The following ANKMY2 variants were observed in gnomAD, a reference collection of about 807,000 sequenced individuals.
ANKMY2 encodes ankyrin repeat and MYND domain containing 2, also known as ankyrin repeat and MYND domain-containing protein 2.
Under a neutral mutation model 50.4 loss-of-function variants are expected in ANKMY2, and 36 were observed. The ratio of observed to expected loss-of-function variants is 0.71; its 90% CI spans 0.55 to 0.94. ANKMY2 has a LOEUF of 0.94. Among genes scored for constraint, ANKMY2 ranks in the 40% least tolerant of loss-of-function variants. The pLI, the probability that ANKMY2 is intolerant of heterozygous loss-of-function variation, is 0.00. For synonymous variants in ANKMY2, 187 were observed against 178.8 expected, an observed-to-expected ratio of 1.05 and a Z score of -0.36; for missense variants, 565 against 524.0, an observed-to-expected ratio of 1.08 and a Z score of -0.76.
intron 1 of ANKMY2, among the ~76,000 whole-genome samples, chr7:16,639,129 T>C (rs1160660912): frequency 2.0e-5 from 3 of 152,254 alleles, no homozygotes; most frequent in Non-Finnish European, 4.4e-5. Context: ...GTTCACAATG[T>C]AATGACATTA....
At chr7:16,631,415 T>C (rs1277408510) in intron 2 of ANKMY2, among the ~76,000 whole-genome samples, 3 of 152,318 alleles carry the variant, frequency 2.0e-5, no homozygotes, top group African/African-American at 7.2e-5. Flanking sequence ...GCTAGCCTTA[T>C]CAAATAAATG....
rs1171561090 is a variant in ANKMY2 at position 16,645,656 on chromosome 7, G to T, written c.-83C>A. On this transcript the variant is annotated 5_prime_UTR_variant, in exon 1 of 10. Coordinates refer to ENST00000306999, the MANE Select transcript of ANKMY2 (RefSeq NM_020319.3). ...TGCGTCTGTATTGGGAACGCCAGCC[G>T]CAATGAGGCAACTTGAGACCAAGAC... 5 of 1,445,078 alleles carry T rather than the reference G, an allele frequency of 3.5e-6. No individual in the cohort carries two copies. The highest frequency in any genetic ancestry group is 4.7e-6 in the Non-Finnish European group (5 of 1,064,914). 89.5% of individuals were successfully genotyped at this position (1,445,078 alleles called of 1,614,324 possible). A position where few individuals can be genotyped will look rare whatever the true frequency, so the allele number is the denominator to read the frequency against.
chr7:16,630,794 A>T (rs1375612188), intron 2 of ANKMY2, among the ~76,000 whole-genome samples: 1 of 152,160 alleles, frequency 6.6e-6, no homozygotes, highest in Non-Finnish European at 1.5e-5. Flanking sequence ...TAAAGAGGAC[A>T]TTCAAGGAAT....
At chr7:16,605,740 T>C (rs1325693557) in intron 7 of ANKMY2, among the ~76,000 whole-genome samples, 1 of 144,854 alleles carries the variant, frequency 6.9e-6, no homozygotes, top group African/African-American at 2.6e-5. Context: ...TAGAGTGCAG[T>C]GGTGTGATCT....
At position 16,609,712 on chromosome 7, in the gene ANKMY2, A is replaced by C. The variant is rs762502837; in HGVS notation, c.800T>G (p.Ile267Ser). ...AGGAAATTTTCTGATACTTTCTCTA[A>C]TGATCTTTTCTTGATACACTGGAAA... The part of the protein sequence containing the change: ...DGFPVYQEKI[I>S]RESIRKFPYC... The change falls in exon 7 of 10, where the codon ATT becomes AGT. Residue 267 changes from isoleucine to serine, a missense_variant. Transcript: ENST00000306999. 3 of 1,612,434 alleles carry C rather than the reference A, an allele frequency of 1.9e-6. No individual in the cohort carries two copies. The highest frequency in any genetic ancestry group is 2.5e-6 in the Non-Finnish European group (3 of 1,179,542).
At chr7:16,601,089 A>T (rs2128341362) in intron 9 of ANKMY2, 144 bp from the exon 10 acceptor site, 1 of 601,848 alleles carries the variant, frequency 1.7e-6, no homozygotes. Context: ...TATTTTACAA[A>T]TGAGAAAACT....
At chr7:16,631,178 T>G (rs1781576485) in intron 2 of ANKMY2, among the ~76,000 whole-genome samples, 1 of 152,122 alleles carries the variant, frequency 6.6e-6, no homozygotes, top group Non-Finnish European at 1.5e-5. Context: ...TGATCCTATT[T>G]GTTTCTCTTT....
chr7:16,637,550 T>G (rs1469353910), intron 1 of ANKMY2, among the ~76,000 whole-genome samples: 1 of 152,190 alleles, frequency 6.6e-6, no homozygotes, highest in Non-Finnish European at 1.5e-5. Flanking sequence ...GCTATTTTTT[T>G]TATAAATAAT....
chr7:16,619,959 A>G (rs1203091314), intron 4 of ANKMY2, among the ~76,000 whole-genome samples: 1 of 152,246 alleles, frequency 6.6e-6, no homozygotes, highest in African/African-American at 2.4e-5. Flanking sequence ...TCATTTGCAA[A>G]ACCAGAACTT....
At chr7:16,609,579 G>A (rs1781212204) in intron 7 of ANKMY2, 51 bp downstream of exon 7, 5 of 1,531,510 alleles carry the variant, frequency 3.3e-6, no homozygotes, top group Non-Finnish European at 3.5e-6. Flanking sequence ...AATACAATAG[G>A]TGGGAATTAG....
At chr7:16,601,785 G>A (rs927485977) in intron 9 of ANKMY2, among the ~76,000 whole-genome samples, 2 of 152,138 alleles carry the variant, frequency 1.3e-5, no homozygotes, top group South Asian at 4.1e-4. Context: ...TCTCCAATCT[G>A]ATAATCACTG....
intron 1 of ANKMY2, among the ~76,000 whole-genome samples, chr7:16,642,954 CTCTGCCACTT>C (rs1329210198): frequency 3.9e-5 from 6 of 152,174 alleles, no homozygotes; most frequent in African/African-American, 9.7e-5. Context: ...GATACCTCTG[CTCTGCCACTT>C]TCTGCCACTT....
At chr7:16,606,102 C>T (rs551831920) in intron 7 of ANKMY2, among the ~76,000 whole-genome samples, 39 of 152,222 alleles carry the variant, frequency 2.6e-4, no homozygotes, top group Admixed American at 1.4e-3. Flanking sequence ...CAGGCATGAG[C>T]CACCGCGCCT....
chr7:16,611,605 G>C (rs1781252956), intron 5 of ANKMY2, among the ~76,000 whole-genome samples: 1 of 152,104 alleles, frequency 6.6e-6, no homozygotes, highest in Non-Finnish European at 1.5e-5. Context: ...GAGAGAATAG[G>C]GGTGGGTCCT....
chr7:16,638,158 T>C (rs1781693203), intron 1 of ANKMY2, among the ~76,000 whole-genome samples: 2 of 152,236 alleles, frequency 1.3e-5, no homozygotes, highest in African/African-American at 4.8e-5. Flanking sequence ...CACCAAGCAA[T>C]TCTCCATTGG....
At chr7:16,607,395 G>A (rs774882665) in intron 7 of ANKMY2, among the ~76,000 whole-genome samples, 13 of 151,980 alleles carry the variant, frequency 8.6e-5, no homozygotes, top group Middle Eastern at 3.4e-3. Flanking sequence ...GTGAAAACCC[G>A]TCTTTACTAA....
At chr7:16,638,880 A>C (rs766460574) in intron 1 of ANKMY2, among the ~76,000 whole-genome samples, 1 of 152,154 alleles carries the variant, frequency 6.6e-6, no homozygotes, top group Non-Finnish European at 1.5e-5. Flanking sequence ...TCAGGAGATT[A>C]TAAGGGTTTT....
chr7:16,624,863 A>G (rs1383779617), intron 4 of ANKMY2, 120 bp downstream of exon 4: 1 of 775,492 alleles, frequency 1.3e-6, no homozygotes, highest in Admixed American at 2.5e-5. Context: ...GTGGACTGTA[A>G]ATACTTAAGT....
chr7:16,635,732 C>A (rs1043289202), intron 2 of ANKMY2, among the ~76,000 whole-genome samples: 1 of 152,074 alleles, frequency 6.6e-6, no homozygotes, highest in Non-Finnish European at 1.5e-5. Flanking sequence ...ACTGAAGTTG[C>A]TGGATCAAAT....
Sources: allele counts gnomAD v4.1 joint callset (sites outside exome capture counted in the v4.1 genomes callset), GRCh38; gene constraint gnomAD v4.1.1; transcripts MANE v1.5; gene names NCBI Gene and HGNC (gene_info 2026-07-23, HGNC 2026-07-21).